DLGAP1: variants seen among roughly 807,000 people sequenced by gnomAD.
DLGAP1 encodes the protein disks large-associated protein 1.
Under a neutral mutation model 90.8 loss-of-function variants are expected in DLGAP1, and 11 were observed. The ratio of observed to expected loss-of-function variants is 0.12; its 90% CI spans 0.08 to 0.20. DLGAP1 has a LOEUF of 0.20. Ranked by LOEUF, DLGAP1 falls within the 10% of genes least tolerant of loss-of-function variation. The pLI, the probability that DLGAP1 is intolerant of heterozygous loss-of-function variation, is 1.00. For synonymous variants in DLGAP1, 558 were observed against 540.7 expected, an observed-to-expected ratio of 1.03 and a Z score of -0.44; for missense variants, 1,050 against 1,333.8, an observed-to-expected ratio of 0.79 and a Z score of 3.31.
intron 2 of DLGAP1, among the ~76,000 whole-genome samples, chr18:4,141,822 A>G (rs1320930947): frequency 6.6e-6 from 1 of 151,880 alleles, no homozygotes; most frequent in Non-Finnish European, 1.5e-5. Context: ...TTCTCTTTTA[A>G]TGATTTCAGT....
chr18:3,963,903 T>C (rs746901464), intron 3 of DLGAP1, among the ~76,000 whole-genome samples: 5 of 152,202 alleles, frequency 3.3e-5, no homozygotes, highest in Non-Finnish European at 7.3e-5. Context: ...ATAATGTAAA[T>C]ACCAATTAAA....
intron 3 of DLGAP1, among the ~76,000 whole-genome samples, chr18:3,883,210 C>T (rs1191938364): frequency 6.6e-6 from 1 of 152,242 alleles, no homozygotes; most frequent in Non-Finnish European, 1.5e-5. Context: ...TGCCACTGCA[C>T]TCCAACCTGG....
chr18:3,610,477 C>T (rs1357868147), intron 7 of DLGAP1, among the ~76,000 whole-genome samples: 1 of 152,138 alleles, frequency 6.6e-6, no homozygotes, highest in African/African-American at 2.4e-5. Flanking sequence ...CTCTCCCCTC[C>T]CTGCCATAAC....
chr18:3,858,483 T>C (rs1354055369), intron 4 of DLGAP1, among the ~76,000 whole-genome samples: 1 of 149,334 alleles, frequency 6.7e-6, no homozygotes, highest in Non-Finnish European at 1.5e-5. Context: ...GAAACATATA[T>C]ATATATACGT....
chr18:4,213,279 A>C (rs773290646), intron 1 of DLGAP1, among the ~76,000 whole-genome samples: 2 of 152,172 alleles, frequency 1.3e-5, no homozygotes, highest in Non-Finnish European at 2.9e-5. Flanking sequence ...GATCAGCTTC[A>C]CATGGAGATT....
chr18:3,948,773 A>G (rs1264978192), intron 3 of DLGAP1, among the ~76,000 whole-genome samples: 4 of 152,132 alleles, frequency 2.6e-5, no homozygotes. Flanking sequence ...CTCAGGGGAA[A>G]GGGTGGGAAG....
At position 4,411,609 on chromosome 18, in the gene DLGAP1, T is replaced by A. The variant is rs1411386664; in HGVS notation, c.-267+43397A>T. On this transcript the variant is annotated intron_variant, in intron 1 of 12. Transcript: ENST00000315677. The stretch of plus-strand genomic sequence containing the variant: ...TTTATTATCTTTCATAATCTGGAGG[T>A]TGATGGGCTCAGCGAGGCAGCTTTT... Among the ~76,000 whole-genome samples the A allele has an allele frequency of 2.0e-5, 3 of 152,146 alleles. No individual in the cohort carries two copies. In the East Asian group the frequency reaches 5.8e-4, roughly 29 times the overall value.
At chr18:4,146,949 G>A (rs1266306652) in intron 2 of DLGAP1, among the ~76,000 whole-genome samples, 1 of 152,112 alleles carries the variant, frequency 6.6e-6, no homozygotes, top group Non-Finnish European at 1.5e-5. Flanking sequence ...CAAAGAGTAG[G>A]CAGAAAACAG....
chr18:4,002,241 C>G (rs986807600), intron 3 of DLGAP1, among the ~76,000 whole-genome samples: 2 of 152,162 alleles, frequency 1.3e-5, no homozygotes, highest in African/African-American at 4.8e-5. Context: ...AGCAACCAAA[C>G]TTTTAGTCTA....
At position 3,709,527 on chromosome 18, in the gene DLGAP1, G is replaced by C. The variant is rs148527603; in HGVS notation, c.1591+19608C>G. On this transcript the variant is annotated intron_variant, in intron 7 of 12. Transcript: ENST00000315677. ...CATGTCCACTGTATACAATCCCTTG[G>C]TCATTTAGGGAGACAGTACACCAGG... 4.4e-3 allele frequency among the ~76,000 whole-genome samples: 664 copies of C among 152,266 alleles called. 9 individuals are homozygous for C. Among genetic ancestry groups the C allele is most frequent in the African/African-American group, 0.015 (640 of 41,550 alleles).
intron 8 of DLGAP1, among the ~76,000 whole-genome samples, chr18:3,570,475 C>T (rs568085528): frequency 6.6e-6 from 1 of 151,886 alleles, no homozygotes; most frequent in African/African-American, 2.4e-5. Flanking sequence ...GACGGGATTT[C>T]ACTACATTGG....
At chr18:3,833,178 C>A (rs1156811713) in intron 4 of DLGAP1, among the ~76,000 whole-genome samples, 1,747 of 12,026 alleles carry the variant, frequency 0.15, 213 homozygotes, top group Middle Eastern at 0.23. Flanking sequence ...TCCTTCCTTC[C>A]TTCCTTCCTT....
intron 1 of DLGAP1, among the ~76,000 whole-genome samples, chr18:4,221,391 T>A (rs1488608629): frequency 6.6e-6 from 1 of 152,150 alleles, no homozygotes; most frequent in Non-Finnish European, 1.5e-5. Flanking sequence ...AGATTATATA[T>A]TTAATTAAAA....
intron 2 of DLGAP1, among the ~76,000 whole-genome samples, chr18:4,043,376 A>G (rs987079119): frequency 2.0e-5 from 3 of 152,232 alleles, no homozygotes; most frequent in African/African-American, 7.2e-5. Context: ...ATCTAATTCC[A>G]TGGTTTCTGG....
At chr18:3,521,182 T>G (rs950337603) in intron 10 of DLGAP1, among the ~76,000 whole-genome samples, 2 of 152,296 alleles carry the variant, frequency 1.3e-5, no homozygotes, top group East Asian at 3.9e-4. Context: ...TGTGTTCCCC[T>G]CAGGATTCCC....
intron 2 of DLGAP1, among the ~76,000 whole-genome samples, chr18:4,040,299 C>T (rs777739008): frequency 5.3e-5 from 8 of 152,140 alleles, no homozygotes; most frequent in South Asian, 2.1e-4. Flanking sequence ...AAACAGCTTA[C>T]GCTAGTATAC....
At chr18:3,956,838 G>A (rs1441080295) in intron 3 of DLGAP1, among the ~76,000 whole-genome samples, 1 of 152,024 alleles carries the variant, frequency 6.6e-6, no homozygotes, top group Non-Finnish European at 1.5e-5. Context: ...TTTTTGTAGA[G>A]ATGGGGTCTT....
At chr18:4,231,427 T>C (rs529614015) in intron 1 of DLGAP1, among the ~76,000 whole-genome samples, 26 of 152,268 alleles carry the variant, frequency 1.7e-4, no homozygotes, top group African/African-American at 6.3e-4. Context: ...TGGGAAGTAA[T>C]GGCAGTAAAG....
At chr18:4,445,544 G>A (rs915782119) in intron 1 of DLGAP1, among the ~76,000 whole-genome samples, 8 of 146,712 alleles carry the variant, frequency 5.5e-5, no homozygotes, top group South Asian at 2.1e-4. Flanking sequence ...GAGAATATGC[G>A]GTGTTTGGTT....
Sources: gnomAD v4.1 joint callset for allele counts (sites outside exome capture counted in the v4.1 genomes callset) on GRCh38, gnomAD v4.1.1 for gene constraint, MANE v1.5 for transcripts, NCBI Gene and HGNC (gene_info 2026-07-23, HGNC 2026-07-21) for gene names.